The following NAV3 variants were observed in gnomAD, a reference collection of about 807,000 sequenced individuals.
NAV3 encodes the protein neuron navigator 3.
A neutral mutation model predicts 244.7 loss-of-function variants in NAV3; 87 were observed. The ratio of observed to expected loss-of-function variants is 0.36; its 90% CI spans 0.30 to 0.42. The LOEUF (loss-of-function observed/expected upper bound fraction) is 0.42, where lower values mean the gene tolerates loss of function less well. Among genes scored for constraint, NAV3 ranks in the 20% least tolerant of loss-of-function variants. The pLI is 1.00. For synonymous variants in NAV3, 1,126 were observed against 1,042.2 expected, an observed-to-expected ratio of 1.08 and a Z score of -1.55; for missense variants, 2,663 against 2,893.3, an observed-to-expected ratio of 0.92 and a Z score of 1.83.
intron 2 of NAV3, among the ~76,000 whole-genome samples, chr12:77,599,043 C>T (rs1870302117): frequency 6.6e-6 from 1 of 151,838 alleles, no homozygotes; most frequent in African/African-American, 2.4e-5. Flanking sequence ...CCCTACTAAG[C>T]CCCTGGCAAC....
At chr12:78,077,547 A>G (rs1007256033) in intron 12 of NAV3, among the ~76,000 whole-genome samples, 1 of 152,248 alleles carries the variant, frequency 6.6e-6, no homozygotes, top group Non-Finnish European at 1.5e-5. Context: ...AACAAATCCA[A>G]ATCTTAACTG....
chr12:78,174,571 A>T (rs1958140652), intron 24 of NAV3, among the ~76,000 whole-genome samples: 1 of 151,882 alleles, frequency 6.6e-6, no homozygotes, highest in African/African-American at 2.4e-5. Flanking sequence ...CATATTGTAA[A>T]ACCTAGTTTG....
chr12:78,045,768 C>A (rs764406893), intron 9 of NAV3, among the ~76,000 whole-genome samples: 9 of 152,142 alleles, frequency 5.9e-5, no homozygotes, highest in Non-Finnish European at 1.2e-4. Context: ...GGAGGTGTCC[C>A]TCTTTTTCTA....
At chr12:78,154,323 A>ATATTACTATATATATATATTATT (rs1957211746) in intron 22 of NAV3, among the ~76,000 whole-genome samples, 2 of 73,192 alleles carry the variant, frequency 2.7e-5, no homozygotes, top group Admixed American at 3.7e-4. Flanking sequence ...GTATATATAT[A>ATATTACTATATATATATATTATT]GTATATATTA....
chr12:77,845,127 A>ATG (rs1361230391), intron 1 of NAV3, among the ~76,000 whole-genome samples: 1 of 152,128 alleles, frequency 6.6e-6, no homozygotes, highest in African/African-American at 2.4e-5. Flanking sequence ...AAATATGTAT[A>ATG]TGTGTGTATA....
intron 2 of NAV3, among the ~76,000 whole-genome samples, chr12:77,710,122 A>T (rs770508632): frequency 4.6e-5 from 7 of 152,202 alleles, no homozygotes; most frequent in Non-Finnish European, 8.8e-5. Flanking sequence ...GCCAATGATT[A>T]TTCTTATTAG....
At chr12:77,727,032 C>G (rs1170291471) in intron 2 of NAV3, among the ~76,000 whole-genome samples, 1 of 151,966 alleles carries the variant, frequency 6.6e-6, no homozygotes, top group African/African-American at 2.4e-5. Flanking sequence ...GGCTACAGCA[C>G]TCATCATGAA....
At chr12:77,833,872 A>T (rs1484344904) in intron 1 of NAV3, among the ~76,000 whole-genome samples, 1 of 152,074 alleles carries the variant, frequency 6.6e-6, no homozygotes, top group Non-Finnish European at 1.5e-5. Context: ...CTCCCTGGCT[A>T]GATTCCCCTC....
At chr12:77,787,994 G>A (rs10777448) in intron 2 of NAV3, among the ~76,000 whole-genome samples, 148,248 of 152,292 alleles carry the variant, frequency 0.97, 72,295 homozygotes, top group East Asian at 1. Context: ...ATTAAGAGAC[G>A]GTGTAGTATA....
chr12:77,830,004 A>G (rs1873434787), upstream of NAV3, among the ~76,000 whole-genome samples: 2 of 152,218 alleles, frequency 1.3e-5, no homozygotes, highest in South Asian at 4.1e-4. Context: ...TATTTGGTGT[A>G]TATAATTGCT....
At chr12:78,195,862 G>A (rs560069968) in intron 34 of NAV3, among the ~76,000 whole-genome samples, 5 of 152,074 alleles carry the variant, frequency 3.3e-5, no homozygotes, top group South Asian at 4.1e-4. Flanking sequence ...AGTCCCTAAT[G>A]TGACAACTCT....
chr12:77,577,566 C>T (rs895990623), intron 2 of NAV3, among the ~76,000 whole-genome samples: 4 of 151,916 alleles, frequency 2.6e-5, no homozygotes, highest in East Asian at 1.9e-4. Context: ...GGATTTAAGA[C>T]GTCAATAGAT....
Position 77,595,834 on chromosome 12 carries a change from G to A in NAV3, c.72+23568G>A, listed in dbSNP as rs114397100. 4.6e-3 allele frequency among the ~76,000 whole-genome samples: 694 copies of A among 152,212 alleles called. 5 individuals carry two copies. The highest frequency in any genetic ancestry group is 0.016 in the African/African-American group (663 of 41,536). Reference sequence around the variant, plus strand: ...GAAATAAACCAGAATATAAAAATATGAAGTATATTTGCTTTGCCATGTGTA... The same window carrying A: ...GAAATAAACCAGAATATAAAAATATAAAGTATATTTGCTTTGCCATGTGTA... On this transcript the variant is annotated intron_variant, in intron 2 of 8. Coordinates refer to the NAV3 transcript ENST00000550042.
intron 2 of NAV3, among the ~76,000 whole-genome samples, chr12:77,594,589 T>TA (rs915353481): frequency 5.3e-5 from 8 of 152,094 alleles, no homozygotes; most frequent in Non-Finnish European, 8.8e-5. Flanking sequence ...TCTCTGGGCA[T>TA]AAAACACATA....
intron 19 of NAV3, among the ~76,000 whole-genome samples, chr12:78,139,281 T>G (rs1956504784): frequency 6.6e-6 from 1 of 152,112 alleles, no homozygotes; most frequent in South Asian, 2.1e-4. Flanking sequence ...TCTACAAGCC[T>G]AGTGCAGCTA....
At chr12:77,851,092 A>G (rs1366630000) in intron 1 of NAV3, among the ~76,000 whole-genome samples, 1 of 152,142 alleles carries the variant, frequency 6.6e-6, no homozygotes, top group African/African-American at 2.4e-5. Flanking sequence ...TGGCTATTCC[A>G]TATTGGCAAG....
chr12:77,845,181 T>G (rs1164164486), intron 1 of NAV3, among the ~76,000 whole-genome samples: 1 of 152,174 alleles, frequency 6.6e-6, no homozygotes, highest in Non-Finnish European at 1.5e-5. Context: ...TCTATTTTAA[T>G]AAAAGGAATC....
In NAV3 at chr12:77,604,620, G is replaced by T. The variant is rs868067964; in HGVS notation, c.72+32354G>T. On this transcript the variant is annotated intron_variant, in intron 2 of 8. Transcript: ENST00000550042. ...AAATATTTCTTTAGAATGCAGTTGA[G>T]ATACAAATTGGGCACTGAACTGTAG... 3.3e-5 allele frequency among the ~76,000 whole-genome samples: 5 copies of T among 151,990 alleles called. No individual in the cohort carries two copies. The Middle Eastern group carries it at 0.01, about 312-fold the overall frequency.
intron 2 of NAV3, among the ~76,000 whole-genome samples, chr12:77,789,442 A>G (rs1031062588): frequency 1.3e-5 from 2 of 151,492 alleles, no homozygotes; most frequent in Non-Finnish European, 2.9e-5. Context: ...CAATTTTTTT[A>G]CTTTCCTGGC....
Sources: allele counts gnomAD v4.1 joint callset (sites outside exome capture counted in the v4.1 genomes callset), GRCh38; gene constraint gnomAD v4.1.1; transcripts MANE v1.5; gene names NCBI Gene and HGNC (gene_info 2026-07-23, HGNC 2026-07-21).